Variants in ECE1 observed in about 807,000 individuals in gnomAD.
ECE1 encodes the protein endothelin converting enzyme 1, also known as endothelin-converting enzyme 1.
ECE1 carries 35 observed loss-of-function variants against 98.6 expected under a neutral mutation model. The observed-to-expected ratio is 0.35, with a 90% confidence interval of 0.27 to 0.47. ECE1 has a LOEUF of 0.47. Ranked by LOEUF, ECE1 falls within the 20% of genes least tolerant of loss-of-function variation. ECE1 has a pLI of 1.00. For synonymous variants in ECE1, 394 were observed against 407.1 expected, an observed-to-expected ratio of 0.97 and a Z score of 0.39; for missense variants, 814 against 1,025.3, an observed-to-expected ratio of 0.79 and a Z score of 2.81.
chr1:21,272,832 G>T lies in ECE1; in HGVS notation c.360C>A (p.Asp120Glu). 5 of 1,614,274 alleles carry T rather than the reference G, an allele frequency of 3.1e-6. No individual in the cohort carries two copies. The highest frequency in any genetic ancestry group is 3.4e-6 in the Non-Finnish European group (4 of 1,180,048). ...SILSSMDPTV[D>E]PCHDFFSYAC... ...CGTAGCTGAAGAAGTCATGGCAGGG[G>T]TCCACTGTGGGGTCCATGGAGCTCA... The change falls in exon 4 of 19, where the codon GAC becomes GAA. Residue 120 changes from aspartate (D) to glutamate (E), a missense_variant. Coordinates refer to ENST00000374893, the MANE Select transcript of ECE1 (RefSeq NM_001397.3).
upstream of ECE1, chr1:21,290,573 G>C: frequency 1.7e-6 from 2 of 1,192,614 alleles, no homozygotes; most frequent in Non-Finnish European, 2.1e-6. The surrounding 1 kb of genome is among the most constrained non-coding windows in gnomAD (Gnocchi z 7.3). Context: ...CGAGAGGCCC[G>C]GGGGAGATGG....
chr1:21,257,537 A>G lies in ECE1; in HGVS notation c.816T>C (p.Thr272=), dbSNP rs376208384. ...LPSRDYYLNK[T]ENEKVLTGYL... ...GAGGCACGCTTACCTTCTCGTTTTC[A>G]GTTTTGTTCAGGTAATAGTCTCTCG... The change falls in exon 7 of 19, where the codon ACT becomes ACC. Residue 272 remains threonine (T), a synonymous_variant. Coordinates refer to ENST00000374893, the MANE Select transcript of ECE1 (RefSeq NM_001397.3). The G allele has an allele frequency of 2.2e-5, 36 of 1,614,168 alleles. No homozygotes were observed. Among genetic ancestry groups the G allele is most frequent in the Non-Finnish European group, 3.0e-5 (35 of 1,180,016 alleles).
At chr1:21,247,899 C>A (rs1408337342) in intron 8 of ECE1, among the ~76,000 whole-genome samples, 1 of 152,156 alleles carries the variant, frequency 6.6e-6, no homozygotes, top group Non-Finnish European at 1.5e-5. Flanking sequence ...AAGTGGGGAT[C>A]ACCATAATAA....
intron 2 of ECE1, among the ~76,000 whole-genome samples, chr1:21,282,313 C>T (rs1258058090): frequency 2.0e-5 from 3 of 151,376 alleles, no homozygotes; most frequent in South Asian, 2.1e-4. Flanking sequence ...AGAGGCCAGG[C>T]GCAGTGGCTC....
At chr1:21,228,987 G>A (rs1279918346) in intron 14 of ECE1, among the ~76,000 whole-genome samples, 1 of 150,714 alleles carries the variant, frequency 6.6e-6, no homozygotes, top group African/African-American at 2.4e-5. Context: ...GACTACAGGC[G>A]CCCACCACCT....
intron 1 of ECE1, among the ~76,000 whole-genome samples, chr1:21,305,730 ACT>A (rs1487928664): frequency 1.3e-5 from 2 of 152,070 alleles, no homozygotes; most frequent in African/African-American, 4.8e-5. Context: ...GCTGGGCTCC[ACT>A]CTGTGGGTTT....
chr1:21,314,326 A>C lies in ECE1; in HGVS notation c.4-24170T>G, dbSNP rs534226864. Among the ~76,000 whole-genome samples, 167 of 151,606 alleles carry C rather than the reference A, an allele frequency of 1.1e-3. 1 individual carries two copies. The highest frequency in any genetic ancestry group is 2.1e-3 in the Non-Finnish European group (141 of 67,886). ...GACACTCACGCAGCCACATTCCCAA[A>C]CCCCCTCCCGGGCCCCCAAATTCCT... is the stretch of plus-strand genomic sequence containing the variant. On this transcript the variant is annotated intron_variant, in intron 1 of 18. Coordinates refer to the ECE1 transcript ENST00000415912.
chr1:21,324,370 A>ATC (rs1212070328), intron 1 of ECE1, among the ~76,000 whole-genome samples: 1 of 152,318 alleles, frequency 6.6e-6, no homozygotes, highest in East Asian at 1.9e-4. Context: ...GGGAGAAACC[A>ATC]TCCATCAGTG....
chr1:21,253,880 C>T (rs772893942), intron 8 of ECE1, among the ~76,000 whole-genome samples: 19 of 149,900 alleles, frequency 1.3e-4, no homozygotes, highest in Admixed American at 6.7e-4. Flanking sequence ...ACCAGCCTGA[C>T]CAACATGGTG....
At chr1:21,247,168 A>G in intron 9 of ECE1, 53 bp downstream of exon 9, 1 of 1,613,340 alleles carries the variant, frequency 6.2e-7, no homozygotes, top group Non-Finnish European at 8.5e-7. Flanking sequence ...CACCTGCCCA[A>G]GAAGAGGGCT....
intron 1 of ECE1, among the ~76,000 whole-genome samples, chr1:21,341,514 C>A (rs1328413870): frequency 1.3e-5 from 2 of 152,276 alleles, no homozygotes; most frequent in East Asian, 3.8e-4. Flanking sequence ...TTCTGCCAAG[C>A]CCACCTTGTA....
chr1:21,280,122 C>A (rs971063020), intron 2 of ECE1: 5 of 152,322 alleles, frequency 3.3e-5, no homozygotes, highest in Non-Finnish European at 7.3e-5. Flanking sequence ...GCCCTCCCTG[C>A]CCGAGGAGGG....
chr1:21,306,006 T>C (rs1264985882), intron 1 of ECE1, among the ~76,000 whole-genome samples: 2 of 152,218 alleles, frequency 1.3e-5, no homozygotes, highest in Non-Finnish European at 2.9e-5. Context: ...GCAGCTGGCC[T>C]GGGTTTGTCT....
rs1453789354 is a variant in ECE1, at chr1:21,307,681, C to G, written c.4-17525G>C. On this transcript the variant is annotated intron_variant, in intron 1 of 18. Coordinates refer to the ECE1 transcript ENST00000415912. The surrounding 1 kb of genome is among the most constrained non-coding windows in gnomAD (Gnocchi z 4.2). ...ACCTCTGAGGTACAAAGTGGAAGCT[C>G]TGCCTGGCTGGCAAGACCAGACCTG... is the stretch of plus-strand genomic sequence containing the variant. Among the ~76,000 whole-genome samples, 1 of 152,154 alleles carries G rather than the reference C, an allele frequency of 6.6e-6. No homozygotes were observed. Among genetic ancestry groups the G allele is most frequent in the Non-Finnish European group, 1.5e-5 (1 of 68,014 alleles).
At position 21,345,189 on chromosome 1, in the gene ECE1, G is replaced by T. The variant is rs1352307065; in HGVS notation, c.3+187C>A. 1 of 764,896 alleles carries T rather than the reference G, an allele frequency of 1.3e-6. No homozygotes were observed. The highest frequency in any genetic ancestry group is 1.7e-6 in the Non-Finnish European group (1 of 592,764). The allele number at this position is 764,896 out of a possible 1,614,324, so 47.4% of individuals were successfully genotyped here. On this transcript the variant is annotated intron_variant, in intron 1 of 18. Transcript: ENST00000415912. The surrounding 1 kb of genome is among the most constrained non-coding windows in gnomAD (Gnocchi z 5.1). ...GACGGGACCAAGCGCAGCGCCGCCG[G>T]GAGAGCCGCGCTCTGCCCGGGCGCT... is the stretch of plus-strand genomic sequence containing the variant.
upstream of ECE1, chr1:21,294,172 G>C (rs1231279208): frequency 1.3e-5 from 2 of 152,582 alleles, no homozygotes; most frequent in Non-Finnish European, 2.9e-5. This position sits in a 1 kb window ranked among gnomAD's most constrained non-coding sequence, Gnocchi z 4.2. Context: ...TGGACTCTTG[G>C]TCCTGTGCTC....
chr1:21,261,745 G>C (rs1183641459), intron 4 of ECE1, among the ~76,000 whole-genome samples: 1 of 152,212 alleles, frequency 6.6e-6, no homozygotes, highest in Non-Finnish European at 1.5e-5. Context: ...ATGGAACACA[G>C]AGAAAAGTCA....
At chr1:21,247,523 T>C (rs1028886798) in intron 8 of ECE1, among the ~76,000 whole-genome samples, 160 bp from the exon 9 acceptor site, 5 of 152,162 alleles carry the variant, frequency 3.3e-5, no homozygotes, top group Non-Finnish European at 7.3e-5. Flanking sequence ...CGGGCTTTTG[T>C]CAGAGATGCT....
At chr1:21,317,771 G>C (rs1186336154) in intron 1 of ECE1, among the ~76,000 whole-genome samples, 2 of 152,152 alleles carry the variant, frequency 1.3e-5, no homozygotes, top group African/African-American at 2.4e-5. Flanking sequence ...CATCCAAACA[G>C]ATCCTCTGGA....
Sources: allele counts gnomAD v4.1 joint callset (sites outside exome capture counted in the v4.1 genomes callset), GRCh38; gene constraint gnomAD v4.1.1; non-coding constraint Gnocchi (gnomAD v3.1); transcripts MANE v1.5; gene names NCBI Gene and HGNC (gene_info 2026-07-23, HGNC 2026-07-21).